The following RNLS variants were observed in gnomAD, a reference collection of about 807,000 sequenced individuals.
RNLS encodes the protein renalase.
A neutral mutation model predicts 39.8 loss-of-function variants in RNLS; 39 were observed. That is an observed-to-expected ratio of 0.98 (90% CI 0.76 to 1.28). The LOEUF is 1.28. Ranked by LOEUF, RNLS falls within the 50% of genes most tolerant of loss-of-function variation. The pLI is 0.00. For missense variants in RNLS, 410 were observed against 413.3 expected (o/e 0.99, Z 0.07); for synonymous variants, 147 against 150.7 (o/e 0.98, Z 0.18).
chr10:88,300,994 G>A (rs961013292), intron 6 of RNLS, among the ~76,000 whole-genome samples: 1 of 152,178 alleles, frequency 6.6e-6, no homozygotes, highest in Non-Finnish European at 1.5e-5. Context: ...CTGGGGGCAA[G>A]TGAATATATT....
At chr10:88,401,950 C>A (rs1481046267) in intron 4 of RNLS, among the ~76,000 whole-genome samples, 1 of 151,920 alleles carries the variant, frequency 6.6e-6, no homozygotes, top group Non-Finnish European at 1.5e-5. Context: ...ACCAAAGCCC[C>A]CTAACAAGAC....
intron 4 of RNLS, among the ~76,000 whole-genome samples, chr10:88,450,910 G>T (rs1056227566): frequency 6.6e-6 from 1 of 152,116 alleles, no homozygotes; most frequent in East Asian, 1.9e-4. Flanking sequence ...GTCAGAGAAG[G>T]GTTTGTGAAG....
chr10:88,278,606 A>G (rs1842897861), intron 6 of RNLS, among the ~76,000 whole-genome samples: 1 of 152,168 alleles, frequency 6.6e-6, no homozygotes, highest in South Asian at 2.1e-4. Flanking sequence ...GCTAGCACAC[A>G]CATGTGCATA....
chr10:88,179,921 C>T, the RNLS span, among the ~76,000 whole-genome samples: 1 of 152,204 alleles, frequency 6.6e-6, no homozygotes, highest in African/African-American at 2.4e-5. Flanking sequence ...AGAAAAAACC[C>T]TATGTTTTCT....
intron 4 of RNLS, among the ~76,000 whole-genome samples, chr10:88,561,142 C>A (rs920561834): frequency 4.0e-5 from 6 of 151,872 alleles, no homozygotes; most frequent in Non-Finnish European, 7.4e-5. Flanking sequence ...GTTCTAATGG[C>A]CAAAAGTGAC....
chr10:88,494,944 C>A (rs1194987225), intron 4 of RNLS, among the ~76,000 whole-genome samples: 1 of 152,148 alleles, frequency 6.6e-6, no homozygotes, highest in African/African-American at 2.4e-5. Context: ...ACTGCCACTT[C>A]CTTCCTATGT....
chr10:88,541,056 A>C (rs1848012401), intron 4 of RNLS, among the ~76,000 whole-genome samples: 1 of 151,934 alleles, frequency 6.6e-6, no homozygotes, highest in Non-Finnish European at 1.5e-5. Context: ...TGGTTTATGT[A>C]AAAAATGTCA....
At chr10:88,328,937 C>A (rs540678650) in intron 5 of RNLS, among the ~76,000 whole-genome samples, 1 of 151,842 alleles carries the variant, frequency 6.6e-6, no homozygotes, top group Non-Finnish European at 1.5e-5. Context: ...CTTAAAATGT[C>A]TTTATTTTAT....
the RNLS span, among the ~76,000 whole-genome samples, chr10:88,236,375 A>AG: frequency 6.6e-6 from 1 of 152,246 alleles, no homozygotes; most frequent in Non-Finnish European, 1.5e-5. Context: ...TTTAGAAAAA[A>AG]GGTCACAGGG....
At chr10:88,233,666 A>G in the RNLS span, among the ~76,000 whole-genome samples, 1 of 152,182 alleles carries the variant, frequency 6.6e-6, no homozygotes, top group Admixed American at 6.5e-5. Context: ...GGTGTCCTGT[A>G]TTTTTACTTG....
chr10:88,542,806 C>G (rs1681056224), intron 4 of RNLS, among the ~76,000 whole-genome samples: 1 of 152,096 alleles, frequency 6.6e-6, no homozygotes, highest in Admixed American at 6.6e-5. Flanking sequence ...CACTTGGAAG[C>G]CTTCCCTCCG....
At chr10:88,495,951 T>C (rs1296327937) in intron 4 of RNLS, among the ~76,000 whole-genome samples, 1 of 151,970 alleles carries the variant, frequency 6.6e-6, no homozygotes, top group Non-Finnish European at 1.5e-5. Flanking sequence ...TGGGGCAGGA[T>C]AGAGGAAGGC....
At chr10:88,547,328 A>T (rs1236508145) in intron 4 of RNLS, among the ~76,000 whole-genome samples, 1 of 152,236 alleles carries the variant, frequency 6.6e-6, no homozygotes, top group Non-Finnish European at 1.5e-5. Context: ...TGGCACATGC[A>T]TGTTAGCCCT....
intron 4 of RNLS, among the ~76,000 whole-genome samples, chr10:88,528,672 C>A (rs1019401684): frequency 1.3e-4 from 19 of 151,670 alleles, no homozygotes; most frequent in Non-Finnish European, 1.5e-5. Flanking sequence ...GTGGTGAAAC[C>A]TCTTCTCTAC....
the RNLS span, among the ~76,000 whole-genome samples, chr10:88,203,782 TATA>T: frequency 1.3e-5 from 2 of 151,188 alleles, no homozygotes; most frequent in African/African-American, 2.4e-5. Context: ...AAAATAATAT[TATA>T]ATTATATTAA....
intron 4 of RNLS, among the ~76,000 whole-genome samples, chr10:88,382,964 T>C (rs1464176638): frequency 6.6e-6 from 1 of 152,010 alleles, no homozygotes; most frequent in Non-Finnish European, 1.5e-5. Context: ...AGAAAAAGGG[T>C]TTAATTGTAC....
chr10:88,515,275 G>A (rs1246641984), intron 4 of RNLS, among the ~76,000 whole-genome samples: 2 of 151,664 alleles, frequency 1.3e-5, no homozygotes, highest in African/African-American at 4.8e-5. Flanking sequence ...TTTGTAAATG[G>A]TACCAAATGC....
At chr10:88,575,366 C>A (rs1217190977) in intron 3 of RNLS, among the ~76,000 whole-genome samples, 1 of 151,004 alleles carries the variant, frequency 6.6e-6, no homozygotes, top group African/African-American at 2.4e-5. Flanking sequence ...ATTCCTGGGC[C>A]CCAACCCGAC....
chr10:88,498,175 G>T (rs1845278123), intron 4 of RNLS, among the ~76,000 whole-genome samples: 1 of 151,912 alleles, frequency 6.6e-6, no homozygotes, highest in Non-Finnish European at 1.5e-5. Flanking sequence ...ATCATCACCA[G>T]TTAACATCGC....
Sources: gnomAD v4.1 joint callset for allele counts (sites outside exome capture counted in the v4.1 genomes callset) on GRCh38, gnomAD v4.1.1 for gene constraint, MANE v1.5 for transcripts, NCBI Gene and HGNC (gene_info 2026-07-23, HGNC 2026-07-21) for gene names.